NLRP13: variants seen among roughly 807,000 people sequenced by gnomAD.
NLRP13 encodes NLR family pyrin domain containing 13.
In NLRP13, 82 loss-of-function variants were observed where a neutral mutation model predicts 94.4. That is an observed-to-expected ratio of 0.87 (90% confidence interval 0.73 to 1.04). The LOEUF is 1.04. NLRP13 is among the 50% of genes least tolerant of loss of function. The pLI is 0.00. For missense variants in NLRP13, 1,426 were observed against 1,230.8 expected (o/e 1.16, Z -2.37); for synonymous variants, 553 against 464.7 (o/e 1.19, Z -2.45).
intron 9 of NLRP13, among the ~76,000 whole-genome samples, chr19:55,899,787 T>A (rs997519361): frequency 3.3e-5 from 5 of 151,990 alleles, no homozygotes; most frequent in African/African-American, 9.7e-5. Flanking sequence ...TTAAAAAAAA[T>A]TTTGACTACG....
In NLRP13 at chr19:55,923,849, G is replaced by A. The variant is rs1007741326; in HGVS notation, c.523+65C>T. The stretch of plus-strand genomic sequence containing the variant: ...TGTCAGTATGAGGCAACTCTACTAT[G>A]GACCTAGTGAAACCAATGCTCGTCA... On this transcript the variant is annotated intron_variant, in intron 4 of 10. Transcript: ENST00000342929. 2.9e-5 allele frequency: 34 copies of A among 1,158,960 alleles called. No individual in the cohort carries two copies. In the African/African-American group the frequency reaches 4.4e-4, roughly 15 times the overall value. 71.8% of individuals were successfully genotyped at this position (1,158,960 alleles called of 1,614,324 possible).
chr19:55,924,650 G>A lies in NLRP13; in HGVS notation c.397C>T (p.Gln133Ter), dbSNP rs775524553. The A allele has an allele frequency of 6.2e-7, 1 of 1,612,468 alleles. No individual in the cohort carries two copies. Among genetic ancestry groups the A allele is most frequent in the East Asian group, 2.2e-5 (1 of 44,856 alleles). Residue 133 changes from glutamine to a stop codon, truncating the protein, a stop_gained, in exon 3 of 11, where the codon CAG becomes TAG. Coordinates refer to ENST00000342929, the MANE Select transcript of NLRP13 (RefSeq NM_176810.2). LOFTEE classifies it high-confidence loss of function. The stretch of plus-strand genomic sequence containing the variant: ...TTTGGATCTTGGCATCCCTGGGTCT[G>A]CATATTCCCTGAAATAAACATTGAC... ...EMLEAAAGNM[Q>*]TQGCQDPNQE...
chr19:55,925,173 C>T lies in NLRP13; in HGVS notation c.320-138G>A, dbSNP rs543498342. 32 of 736,496 alleles carry T rather than the reference C, an allele frequency of 4.3e-5. No homozygotes were observed. The South Asian group carries it at 4.6e-4, about 11-fold the overall frequency. 45.6% of individuals were successfully genotyped at this position (736,496 alleles called of 1,614,324 possible). The stretch of plus-strand genomic sequence containing the variant: ...GTCTGATTCCTCCAGTTTTCTCAAG[C>T]TCCATTAGCCCAACTGAAGATGCAG... On this transcript the variant is annotated intron_variant, in intron 1 of 10. Transcript: ENST00000342929.
At chr19:55,899,553 G>A (rs191425259) in intron 9 of NLRP13, among the ~76,000 whole-genome samples, 45 of 152,072 alleles carry the variant, frequency 3.0e-4, no homozygotes, top group South Asian at 2.7e-3. Flanking sequence ...AGGCTGAGGC[G>A]GGTGGATCAT....
intron 4 of NLRP13, among the ~76,000 whole-genome samples, chr19:55,915,770 C>T (rs1986659778): frequency 6.6e-6 from 1 of 152,198 alleles, no homozygotes; most frequent in South Asian, 2.1e-4. Context: ...CCCCACCCAA[C>T]TTCACTCCCA....
chr19:55,930,385 AG>A (rs953436382), intron 1 of NLRP13, among the ~76,000 whole-genome samples: 1 of 152,202 alleles, frequency 6.6e-6, no homozygotes, highest in Non-Finnish European at 1.5e-5. Flanking sequence ...GACAGCATTA[AG>A]ATAAATGCCT....
chr19:55,894,754 C>A (rs896652099), downstream of NLRP13, among the ~76,000 whole-genome samples: 53 of 152,300 alleles, frequency 3.5e-4, no homozygotes, highest in African/African-American at 1.2e-3. Flanking sequence ...TTGTTTCCCC[C>A]CTGTCTACCA....
intron 10 of NLRP13, among the ~76,000 whole-genome samples, chr19:55,896,999 A>G (rs1264180249): frequency 2.6e-5 from 4 of 152,166 alleles, no homozygotes; most frequent in Non-Finnish European, 5.9e-5. Flanking sequence ...CCAGAATGTG[A>G]AACAAACCAT....
Position 55,912,215 on chromosome 19 carries a change from G to T in NLRP13, c.1602C>A (p.Phe534Leu), listed in dbSNP as rs531168183. 6.2e-7 allele frequency: 1 copy of T among 1,614,178 alleles called. No individual in the cohort carries two copies. The highest frequency in any genetic ancestry group is 1.3e-5 in the African/African-American group (1 of 75,052). Residue 534 changes from phenylalanine to leucine, a missense_variant, in exon 5 of 11, where the codon TTC (phenylalanine) becomes TTA (leucine). Coordinates refer to ENST00000342929, the MANE Select transcript of NLRP13 (RefSeq NM_176810.2). ...AAAACTCCTGGAAACTTAGGTGGGT[G>T]AAAGTAGTGCAACCCCCACAGTCAT... ...KINDCGGCTT[F>L]THLSFQEFFA...
At chr19:55,899,014 C>T in intron 9 of NLRP13, 77 bp from the exon 10 acceptor site, 3 of 1,458,000 alleles carry the variant, frequency 2.1e-6, no homozygotes, top group East Asian at 2.4e-5. Flanking sequence ...CTGCCCATCT[C>T]ACGTCCAAGG....
At chr19:55,930,545 G>T (rs1987086517) in intron 1 of NLRP13, among the ~76,000 whole-genome samples, 1 of 151,900 alleles carries the variant, frequency 6.6e-6, no homozygotes, top group Non-Finnish European at 1.5e-5. Context: ...AATTAGCCGG[G>T]CATGGTGGCA....
intron 1 of NLRP13, among the ~76,000 whole-genome samples, chr19:55,925,299 G>A (rs917548919): frequency 1.3e-5 from 2 of 152,226 alleles, no homozygotes; most frequent in African/African-American, 4.8e-5. Flanking sequence ...CATCTGCTTA[G>A]CTCACTCTCA....
chr19:55,926,552 C>T (rs1407427281), intron 1 of NLRP13, among the ~76,000 whole-genome samples: 2 of 152,182 alleles, frequency 1.3e-5, no homozygotes, highest in Non-Finnish European at 2.9e-5. Context: ...CTACACCCAA[C>T]ATTACTCCCC....
In NLRP13 at chr19:55,898,932, G is replaced by C; in HGVS notation, c.2795C>G (p.Ser932Ter). Residue 932 changes from serine to a stop codon, truncating the protein, a stop_gained, in exon 10 of 11, where the codon TCA (serine) becomes TGA (stop). Transcript: ENST00000342929. LOFTEE classifies it high-confidence loss of function. ...PDGNLQSLNLSGCSFTREGCG... is the reference protein window; with the variant it reads ...PDGNLQSLNL ...GCCCTCTCTTGTGAAAGAACAACCT[G>C]ACAAACTGCAAAATAAAAACATACA... is the stretch of plus-strand genomic sequence containing the variant. The C allele has an allele frequency of 6.2e-7, 1 of 1,606,030 alleles. No individual in the cohort carries two copies. Among genetic ancestry groups the C allele is most frequent in the Middle Eastern group, 1.7e-4 (1 of 6,032 alleles).
chr19:55,929,019 A>G (rs562398145), intron 1 of NLRP13, among the ~76,000 whole-genome samples: 2 of 152,350 alleles, frequency 1.3e-5, no homozygotes, highest in East Asian at 1.9e-4. Context: ...GCCAACAAAC[A>G]TGAAAAAAAG....
downstream of NLRP13, among the ~76,000 whole-genome samples, chr19:55,892,574 A>T (rs986834728): frequency 3.3e-5 from 5 of 152,012 alleles, no homozygotes; most frequent in Admixed American, 3.3e-4. Context: ...GGCGCACACC[A>T]CCACGCCGGC....
Position 55,898,794 on chromosome 19 carries a change from G to C in NLRP13, c.2933C>G (p.Pro978Arg). 6.2e-7 allele frequency: 1 copy of C among 1,611,322 alleles called. No homozygotes were observed. Among genetic ancestry groups the C allele is most frequent in the Non-Finnish European group, 8.5e-7 (1 of 1,178,966 alleles). ...CCCAAGTGTGTGCAATGCACGATGT[G>C]GTTTCAGAGCCTCACACAGTAGCTT... is the stretch of plus-strand genomic sequence containing the variant. ...GVKLLCEALKPHRALHTLGLA... is the reference protein window; with the variant it reads ...GVKLLCEALKRHRALHTLGLA... Residue 978 changes from proline (P) to arginine (R), a missense_variant, in exon 10 of 11, where the codon CCA becomes CGA. Physicochemically the swap from Pro to Arg is moderately radical, Grantham distance 103. Transcript: ENST00000342929.
chr19:55,916,541 A>G (rs192808171), intron 4 of NLRP13, among the ~76,000 whole-genome samples: 303 of 152,302 alleles, frequency 2.0e-3, no homozygotes, highest in African/African-American at 7.1e-3. Context: ...AATCAAATAA[A>G]ACTTCTGCAA....
intron 10 of NLRP13, 137 bp downstream of exon 10, chr19:55,898,633 C>T: frequency 1.1e-6 from 1 of 943,958 alleles, no homozygotes; most frequent in Non-Finnish European, 1.5e-6. Flanking sequence ...GCGTGAGCCA[C>T]CACACCTGGG....
Sources: gnomAD v4.1 joint callset for allele counts (sites outside exome capture counted in the v4.1 genomes callset) on GRCh38, gnomAD v4.1.1 for gene constraint, MANE v1.5 for transcripts, NCBI Gene and HGNC (gene_info 2026-07-23, HGNC 2026-07-21) for gene names.